ERBB4: variants seen among roughly 807,000 people sequenced by gnomAD.
ERBB4 encodes the protein erb-b2 receptor tyrosine kinase 4.
In ERBB4, 42 loss-of-function variants were observed where a neutral mutation model predicts 158.0. That is an observed-to-expected ratio of 0.27 (90% CI 0.21 to 0.34). The LOEUF (loss-of-function observed/expected upper bound fraction) is 0.34, where lower values mean the gene tolerates loss of function less well. Ranked by LOEUF, ERBB4 falls within the 10% of genes least tolerant of loss-of-function variation. ERBB4 has a pLI of 1.00. For missense variants in ERBB4, 1,333 were observed against 1,624.1 expected (o/e 0.82, Z 3.08); for synonymous variants, 583 against 558.7 (o/e 1.04, Z -0.61).
rs554995701 is a variant in ERBB4, at chr2:212,314,454, T to G, written c.83-189551A>C. ...ATTAAAAAAAAAAAGAAAAGAAAAA[T>G]GAAACAGTTAAATTAATTCATTAGA... On this transcript the variant is annotated intron_variant, in intron 1 of 27. Transcript: ENST00000342788. Among the ~76,000 whole-genome samples the G allele has an allele frequency of 2.0e-5, 3 of 149,938 alleles. No homozygotes were observed. In the East Asian group the frequency reaches 5.9e-4, roughly 30 times the overall value.
chr2:212,501,799 A>G (rs1690906955), intron 1 of ERBB4, among the ~76,000 whole-genome samples: 1 of 152,164 alleles, frequency 6.6e-6, no homozygotes. Flanking sequence ...TTATGTTTCA[A>G]TACAAAGACA....
At chr2:211,657,975 CA>C in intron 15 of ERBB4, 147 bp from the exon 16 acceptor site, 1 of 1,602,810 alleles carries the variant, frequency 6.2e-7, no homozygotes, top group Non-Finnish European at 8.5e-7. Context: ...ATGCAGTCTT[CA>C]ATACTTGAGC....
rs1452449300 is a variant in ERBB4 at position 211,619,166 on chromosome 2, T to C, written c.2301+11A>G. 6.6e-7 allele frequency: 1 copy of C among 1,504,742 alleles called. No homozygotes were observed. Among genetic ancestry groups the C allele is most frequent in the East Asian group, 2.3e-5 (1 of 44,322 alleles). The allele number at this position is 1,504,742 out of a possible 1,614,324, so 93.2% of individuals were successfully genotyped here. On this transcript the variant is annotated intron_variant, in intron 19 of 27. Coordinates refer to ENST00000342788, the MANE Select transcript of ERBB4 (RefSeq NM_005235.3). The stretch of plus-strand genomic sequence containing the variant: ...GGAGAAAAATGTGATTGCCTGGGTG[T>C]CTGTACTTACATCCATGAACTCCAC...
intron 19 of ERBB4, among the ~76,000 whole-genome samples, chr2:211,608,560 A>C (rs2069073937): frequency 1.3e-5 from 2 of 152,220 alleles, no homozygotes; most frequent in South Asian, 2.1e-4. Flanking sequence ...ATAGATACAA[A>C]GAATCATTTA....
intron 1 of ERBB4, among the ~76,000 whole-genome samples, chr2:212,224,256 ATAAAGT>A (rs1278058201): frequency 2.6e-5 from 4 of 151,902 alleles, no homozygotes; most frequent in African/African-American, 9.7e-5. Flanking sequence ...GACTTGTAAA[ATAAAGT>A]TGAAGTTAAA....
At chr2:211,699,265 G>A (rs1026779968) in intron 12 of ERBB4, among the ~76,000 whole-genome samples, 1 of 152,140 alleles carries the variant, frequency 6.6e-6, no homozygotes, top group African/African-American at 2.4e-5. Flanking sequence ...AGACATGCAC[G>A]CTGATATGCA....
rs1467076745 is a variant in ERBB4, at chr2:211,796,244, T to G, written c.422-8085A>C. 3.9e-5 allele frequency among the ~76,000 whole-genome samples: 6 copies of G among 151,916 alleles called. No homozygotes were observed. In the South Asian group the frequency reaches 1.2e-3, roughly 31 times the overall value. On this transcript the variant is annotated intron_variant, in intron 3 of 27. Transcript: ENST00000342788. The stretch of plus-strand genomic sequence containing the variant: ...ATTTTTGTATTTTACGTATATAGAA[T>G]CATACCATACGTATTCTCTTGTGTC...
At position 211,764,281 on chromosome 2, in the gene ERBB4, G is replaced by T. The variant is rs566310701; in HGVS notation, c.557-13577C>A. Among the ~76,000 whole-genome samples the T allele has an allele frequency of 1.1e-4, 16 of 152,216 alleles. No homozygotes were observed. The South Asian group carries it at 2.9e-3, about 28-fold the overall frequency. The stretch of plus-strand genomic sequence containing the variant: ...TTTATAGAAAAAAGATAAATGATTT[G>T]CAAACCACTGCATAGACATCTCTTG... On this transcript the variant is annotated intron_variant, in intron 4 of 27. Transcript: ENST00000342788.
chr2:212,065,113 C>A (rs1418141075), intron 2 of ERBB4, among the ~76,000 whole-genome samples: 4 of 151,382 alleles, frequency 2.6e-5, no homozygotes, highest in Non-Finnish European at 5.9e-5. Flanking sequence ...ACTAATCACC[C>A]CTACTAGACA....
intron 20 of ERBB4, among the ~76,000 whole-genome samples, chr2:211,472,606 C>T (rs76650738): frequency 0.025 from 3,795 of 151,836 alleles, 145 homozygotes; most frequent in African/African-American, 0.086. Context: ...CTCCTCACGA[C>T]GGTAATTTAA....
At chr2:211,680,735 C>T (rs1256398811) in intron 12 of ERBB4, among the ~76,000 whole-genome samples, 1 of 152,114 alleles carries the variant, frequency 6.6e-6, no homozygotes, top group Non-Finnish European at 1.5e-5. Context: ...CTATGGTAAA[C>T]TGTGTAAAAA....
intron 2 of ERBB4, among the ~76,000 whole-genome samples, chr2:212,117,162 C>G (rs911823819): frequency 7.2e-5 from 11 of 152,122 alleles, no homozygotes; most frequent in African/African-American, 2.7e-4. Context: ...TGACATGTTA[C>G]AATATTATTC....
At chr2:211,409,933 C>T (rs2063223652) in intron 25 of ERBB4, among the ~76,000 whole-genome samples, 1 of 152,168 alleles carries the variant, frequency 6.6e-6, no homozygotes. Flanking sequence ...TACATAGTTA[C>T]TTATGCATCC....
In ERBB4 at chr2:212,057,009, T is replaced by C. The variant is rs1326694458; in HGVS notation, c.234+67743A>G. ...AAATTGGATAAAGAGTCAAGACTCA[T>C]CAGTGTGCTGCATTCAGGAGACCCA... On this transcript the variant is annotated intron_variant, in intron 2 of 27. Coordinates refer to ENST00000342788, the MANE Select transcript of ERBB4 (RefSeq NM_005235.3). Among the ~76,000 whole-genome samples, 4 of 152,270 alleles carry C rather than the reference T, an allele frequency of 2.6e-5. No homozygotes were observed. The South Asian group carries it at 6.2e-4, about 24-fold the overall frequency.
At chr2:211,610,212 T>C (rs576699977) in intron 19 of ERBB4, among the ~76,000 whole-genome samples, 2 of 152,290 alleles carry the variant, frequency 1.3e-5, no homozygotes, top group South Asian at 2.1e-4. Flanking sequence ...ATTAGACTTA[T>C]TAGATTTTAT....
chr2:211,979,607 G>C (rs1428449971), intron 2 of ERBB4, among the ~76,000 whole-genome samples: 1 of 151,984 alleles, frequency 6.6e-6, no homozygotes, highest in Non-Finnish European at 1.5e-5. Context: ...CTTTAATCAG[G>C]TGTTGATAGC....
intron 1 of ERBB4, among the ~76,000 whole-genome samples, chr2:212,219,955 C>CA (rs11387376): frequency 0.53 from 73,677 of 138,438 alleles, 18,953 homozygotes; most frequent in East Asian, 0.76. Flanking sequence ...TATCAACCCG[C>CA]AAAAAAAAAA....
chr2:211,767,683 C>T (rs1484999208), intron 4 of ERBB4, among the ~76,000 whole-genome samples: 1 of 152,080 alleles, frequency 6.6e-6, no homozygotes, highest in Non-Finnish European at 1.5e-5. Context: ...CTTATAAAAC[C>T]ATCAGATCTT....
At chr2:211,923,260 G>A (rs1293256752) in intron 3 of ERBB4, among the ~76,000 whole-genome samples, 1 of 152,106 alleles carries the variant, frequency 6.6e-6, no homozygotes, top group Non-Finnish European at 1.5e-5. Context: ...AGGCAGGAGA[G>A]AAAATCTCGC....
Sources: allele counts gnomAD v4.1 joint callset (sites outside exome capture counted in the v4.1 genomes callset), GRCh38; gene constraint gnomAD v4.1.1; transcripts MANE v1.5; gene names NCBI Gene and HGNC (gene_info 2026-07-23, HGNC 2026-07-21).